ITGB3BP: variants seen among roughly 807,000 people sequenced by gnomAD.
ITGB3BP encodes the protein integrin subunit beta 3 binding protein, also known as centromere protein R.
In ITGB3BP, 27 loss-of-function variants were observed where a neutral mutation model predicts 29.1. That is an observed-to-expected ratio of 0.93 (90% CI 0.68 to 1.28). The LOEUF (loss-of-function observed/expected upper bound fraction) is 1.28, where lower values mean the gene tolerates loss of function less well. Ranked by LOEUF, ITGB3BP falls within the 50% of genes most tolerant of loss-of-function variation. The pLI is 0.00. For synonymous variants in ITGB3BP, 61 were observed against 61.4 expected, an observed-to-expected ratio of 0.99 and a Z score of 0.03; for missense variants, 192 against 200.2, an observed-to-expected ratio of 0.96 and a Z score of 0.25.
At chr1:63,488,896 T>C (rs559401462) in intron 3 of ITGB3BP, among the ~76,000 whole-genome samples, 4 of 152,156 alleles carry the variant, frequency 2.6e-5, no homozygotes, top group Admixed American at 6.5e-5. Context: ...AAATGCCAAC[T>C]GAAATCATGT....
intron 4 of ITGB3BP, among the ~76,000 whole-genome samples, chr1:63,476,848 C>T (rs1307911357): frequency 2.0e-5 from 3 of 152,190 alleles, no homozygotes; most frequent in African/African-American, 7.2e-5. Flanking sequence ...TTGCTACTTG[C>T]TTTCACTGTA....
chr1:63,503,199 T>C lies in ITGB3BP; in HGVS notation c.48+5329A>G, dbSNP rs987018509. ...CTGTTGTTTCCTGACTTTTTAATGA[T>C]TGCCATTCTAACTGGTGTGAGATGA... On this transcript the variant is annotated intron_variant, in intron 2 of 8. Transcript: ENST00000271002. 6.3e-4 allele frequency among the ~76,000 whole-genome samples: 95 copies of C among 151,968 alleles called. 1 individual carries two copies. Among genetic ancestry groups the C allele is most frequent in the African/African-American group, 2.0e-3 (82 of 41,512 alleles).
intron 2 of ITGB3BP, among the ~76,000 whole-genome samples, chr1:63,528,931 T>C (rs1183671207): frequency 6.6e-6 from 1 of 151,792 alleles, no homozygotes; most frequent in East Asian, 1.9e-4. Context: ...CTTTGCACAC[T>C]AAGCCTTTTT....
chr1:63,450,677 G>T (rs1644849195), intron 7 of ITGB3BP, among the ~76,000 whole-genome samples: 1 of 151,798 alleles, frequency 6.6e-6, no homozygotes, highest in African/African-American at 2.4e-5. Context: ...TACAGAAAAA[G>T]AACCTTTCAT....
intron 2 of ITGB3BP, among the ~76,000 whole-genome samples, chr1:63,505,296 C>T (rs961105646): frequency 5.3e-5 from 8 of 152,220 alleles, no homozygotes; most frequent in Admixed American, 2.0e-4. Flanking sequence ...AGTTTATTTG[C>T]GTAGAGGTGT....
chr1:63,463,061 C>A (rs1480193617), intron 4 of ITGB3BP, among the ~76,000 whole-genome samples: 1 of 151,984 alleles, frequency 6.6e-6, no homozygotes, highest in Non-Finnish European at 1.5e-5. Flanking sequence ...CAAGACCACC[C>A]TGGCCAACAT....
intron 3 of ITGB3BP, among the ~76,000 whole-genome samples, chr1:63,481,944 G>A (rs1299153679): frequency 6.6e-6 from 1 of 152,134 alleles, no homozygotes; most frequent in East Asian, 1.9e-4. Context: ...TTTAGCTGAA[G>A]ACTGTGCTCT....
At chr1:63,486,458 CGT>C (rs774353235) in intron 3 of ITGB3BP, among the ~76,000 whole-genome samples, 1 of 151,700 alleles carries the variant, frequency 6.6e-6, no homozygotes, top group African/African-American at 2.4e-5. Context: ...ATACATATTT[CGT>C]GTGTTATATG....
intron 7 of ITGB3BP, among the ~76,000 whole-genome samples, chr1:63,449,096 C>T (rs1002201745): frequency 2.6e-5 from 4 of 152,072 alleles, no homozygotes; most frequent in African/African-American, 9.7e-5. Flanking sequence ...TGATTTAATA[C>T]GCAACAATGT....
intron 2 of ITGB3BP, among the ~76,000 whole-genome samples, chr1:63,503,843 G>A (rs1646002346): frequency 6.6e-6 from 1 of 152,138 alleles, no homozygotes; most frequent in East Asian, 1.9e-4. Context: ...CATTATTTCT[G>A]AGGGCTCTGT....
chr1:63,495,146 T>C (rs749073072), intron 2 of ITGB3BP, among the ~76,000 whole-genome samples: 1 of 152,162 alleles, frequency 6.6e-6, no homozygotes, highest in African/African-American at 2.4e-5. Flanking sequence ...AGGCCTATGA[T>C]CCTTCTTGGA....
intron 2 of ITGB3BP, among the ~76,000 whole-genome samples, chr1:63,493,097 C>T (rs952238454): frequency 3.3e-5 from 5 of 151,112 alleles, no homozygotes; most frequent in Admixed American, 6.6e-5. Context: ...CACGCGCGCG[C>T]GCGCAAGAAA....
chr1:63,521,593 A>ACT (rs1227643628), intron 1 of ITGB3BP, among the ~76,000 whole-genome samples: 1 of 152,148 alleles, frequency 6.6e-6, no homozygotes, highest in African/African-American at 2.4e-5. Flanking sequence ...GCACATTGGG[A>ACT]GGCTGAGGTG....
intron 7 of ITGB3BP, 145 bp downstream of exon 7, chr1:63,453,773 T>C (rs2100501459): frequency 1.7e-6 from 1 of 581,590 alleles, no homozygotes; most frequent in Non-Finnish European, 3.0e-6. Flanking sequence ...AAATGAGATT[T>C]GTGATCTTCT....
In ITGB3BP at chr1:63,490,102, G is replaced by A. The variant is rs190689929; in HGVS notation, c.165C>T (p.His55=). The change falls in exon 3 of 9, where the codon CAC becomes CAT. Residue 55 remains histidine (H), a synonymous_variant. Coordinates refer to ENST00000271002, the MANE Select transcript of ITGB3BP (RefSeq NM_014288.5). ...ACTAACCATTTGATAGTCCATTTCT[G>A]TGCTTTTGCTCTTCAGAACTTGTGG... The part of the protein sequence containing the change: ...ASPTSSEEQK[H]RNGLSNEKRK... 2.2e-5 allele frequency: 36 copies of A among 1,611,032 alleles called. No homozygotes were observed. In the East Asian group the frequency reaches 7.6e-4, roughly 34 times the overall value.
chr1:63,501,818 T>G, intron 2 of ITGB3BP, among the ~76,000 whole-genome samples: 1 of 149,566 alleles, frequency 6.7e-6, no homozygotes, highest in African/African-American at 2.5e-5. Flanking sequence ...GCTGTGATCA[T>G]AACAATGTAC....
At chr1:63,518,947 A>G (rs1203803397) in intron 1 of ITGB3BP, among the ~76,000 whole-genome samples, 1 of 152,170 alleles carries the variant, frequency 6.6e-6, no homozygotes, top group African/African-American at 2.4e-5. Flanking sequence ...GAGTTATAAT[A>G]ATACAGTACT....
chr1:63,442,958 C>T (rs1471755070), intron 8 of ITGB3BP: 1 of 152,232 alleles, frequency 6.6e-6, no homozygotes, highest in Non-Finnish European at 1.5e-5. Context: ...TTTTGATGGT[C>T]TTAGCACTCT....
upstream of ITGB3BP, chr1:63,525,509 T>G (rs1646572753): frequency 7.8e-7 from 1 of 1,280,824 alleles, no homozygotes; most frequent in Admixed American, 2.9e-5. Flanking sequence ...TTGAAAGACA[T>G]GGTGACATTT....
Sources: gnomAD v4.1 joint callset for allele counts (sites outside exome capture counted in the v4.1 genomes callset) on GRCh38, gnomAD v4.1.1 for gene constraint, MANE v1.5 for transcripts, NCBI Gene and HGNC (gene_info 2026-07-23, HGNC 2026-07-21) for gene names.